Variants in HPCAL1 observed in about 807,000 individuals in gnomAD.
The protein encoded by HPCAL1 is hippocalcin like 1, also known as hippocalcin-like protein 1.
A neutral mutation model predicts 17.1 loss-of-function variants in HPCAL1; 8 were observed. The ratio of observed to expected loss-of-function variants is 0.47; its 90% CI spans 0.27 to 0.84. The LOEUF is 0.84. Among genes scored for constraint, HPCAL1 ranks in the 40% least tolerant of loss-of-function variants. The probability of loss-of-function intolerance (pLI) is 0.13; values close to 1 mark genes in which losing one functional copy is unlikely to be tolerated. For synonymous variants in HPCAL1, 112 were observed against 111.4 expected (o/e 1.01, Z -0.03); for missense variants, 165 against 271.1 (o/e 0.61, Z 2.75).
chr2:10,366,964 A>T (rs1666888277), intron 1 of HPCAL1, among the ~76,000 whole-genome samples: 1 of 152,132 alleles, frequency 6.6e-6, no homozygotes, highest in African/African-American at 2.4e-5. Flanking sequence ...GAGGGACGCC[A>T]GGTTCCTTGA....
At position 10,427,493 on chromosome 2, in the gene HPCAL1, G is replaced by A. The variant is rs1270960683; in HGVS notation, c.*672G>A. 6.6e-6 allele frequency: 1 copy of A among 152,308 alleles called. No homozygotes were observed. The highest frequency in any genetic ancestry group is 1.9e-4 in the East Asian group (1 of 5,192). 9.4% of individuals were successfully genotyped at this position (152,308 alleles called of 1,614,324 possible). ...CCTGTTTCTAAGGAAATGCATGTGT[G>A]CCCTGAGCCGTGATGATCCTCCCAT... On this transcript the variant is annotated 3_prime_UTR_variant, in exon 5 of 5. Transcript: ENST00000307845.
At chr2:10,386,454 C>T (rs542036929) in intron 1 of HPCAL1, among the ~76,000 whole-genome samples, 153 of 152,244 alleles carry the variant, frequency 1.0e-3, no homozygotes, top group African/African-American at 3.6e-3. Flanking sequence ...CCCCTGGCTG[C>T]AGATGCTGGG....
At chr2:10,370,843 G>A (rs1667160697) in intron 1 of HPCAL1, among the ~76,000 whole-genome samples, 1 of 152,192 alleles carries the variant, frequency 6.6e-6, no homozygotes, top group South Asian at 2.1e-4. Flanking sequence ...TTTCTACCAG[G>A]TTTTGGCTAT....
Position 10,359,707 on chromosome 2 carries a change from G to A in HPCAL1, c.-110-37128G>A, listed in dbSNP as rs570895749. ...ATGCAGGCAGACCACACTCCCTGAA[G>A]GGCAGTGGCAAGGCCAGGCCAGCAC... On this transcript the variant is annotated intron_variant, in intron 1 of 4. Transcript: ENST00000307845. The surrounding 1 kb of genome is among the most constrained non-coding windows in gnomAD (Gnocchi z 4.1). Among the ~76,000 whole-genome samples the A allele has an allele frequency of 6.6e-6, 1 of 152,332 alleles. No individual in the cohort carries two copies. The highest frequency in any genetic ancestry group is 2.4e-5 in the African/African-American group (1 of 41,582).
chr2:10,403,726 G>T (rs191765599), intron 2 of HPCAL1, among the ~76,000 whole-genome samples: 1 of 151,760 alleles, frequency 6.6e-6, no homozygotes, highest in African/African-American at 2.4e-5. Context: ...CAGGTGATCC[G>T]CCCACCTCAC....
rs1291759239 is a variant in HPCAL1, at chr2:10,377,407, C to T, written c.-110-19428C>T. On this transcript the variant is annotated intron_variant, in intron 1 of 4. Coordinates refer to ENST00000307845, the MANE Select transcript of HPCAL1 (RefSeq NM_002149.4). This position sits in a 1 kb window ranked among gnomAD's most constrained non-coding sequence, Gnocchi z 5.9. ...GGTAACTGGCATTCTGCCGGCTGCT[C>T]AACTCTGTGGACACCAGTACAGTCA... Among the ~76,000 whole-genome samples, 1 of 152,204 alleles carries T rather than the reference C, an allele frequency of 6.6e-6. No individual in the cohort carries two copies. Among genetic ancestry groups the T allele is most frequent in the East Asian group, 1.9e-4 (1 of 5,178 alleles).
chr2:10,325,110 G>A (rs954077263), intron 1 of HPCAL1, among the ~76,000 whole-genome samples: 1 of 151,754 alleles, frequency 6.6e-6, no homozygotes, highest in African/African-American at 2.4e-5. Context: ...TGGGATTACA[G>A]GCGTGAGCCA....
At chr2:10,372,997 C>A (rs1052211540) in intron 1 of HPCAL1, among the ~76,000 whole-genome samples, 3 of 152,264 alleles carry the variant, frequency 2.0e-5, no homozygotes, top group African/African-American at 7.2e-5. Context: ...GAGAGGGAGC[C>A]TCACACACAG....
chr2:10,356,517 T>G (rs1458635458), intron 1 of HPCAL1, among the ~76,000 whole-genome samples: 1 of 151,940 alleles, frequency 6.6e-6, no homozygotes, highest in Non-Finnish European at 1.5e-5. Context: ...AGCCACTCCC[T>G]GAGGTGGCAT....
At position 10,365,215 on chromosome 2, in the gene HPCAL1, G is replaced by A. The variant is rs1252509924; in HGVS notation, c.-110-31620G>A. ...GGCCGCCAGAGAGGTCTAGGCCTCC[G>A]ACCCTGACCTTGCTCCTCTTGGATG... On this transcript the variant is annotated intron_variant, in intron 1 of 4. Coordinates refer to ENST00000307845, the MANE Select transcript of HPCAL1 (RefSeq NM_002149.4). This position sits in a 1 kb window ranked among gnomAD's most constrained non-coding sequence, Gnocchi z 4.8. 1.3e-5 allele frequency among the ~76,000 whole-genome samples: 2 copies of A among 152,194 alleles called. No homozygotes were observed. The highest frequency in any genetic ancestry group is 4.8e-5 in the African/African-American group (2 of 41,444).
intron 2 of HPCAL1, among the ~76,000 whole-genome samples, chr2:10,416,967 G>C (rs13383253): frequency 1.9e-4 from 29 of 151,938 alleles, no homozygotes; most frequent in Non-Finnish European, 4.0e-4. Context: ...GCTTGTCCTC[G>C]TCTGGGGCAA....
chr2:10,317,277 A>G (rs1010821751), intron 1 of HPCAL1, among the ~76,000 whole-genome samples: 5 of 152,170 alleles, frequency 3.3e-5, no homozygotes, highest in African/African-American at 9.7e-5. Flanking sequence ...ACATAACCCT[A>G]CCTTTTCCTA....
intron 1 of HPCAL1, among the ~76,000 whole-genome samples, chr2:10,383,516 C>G (rs1668102910): frequency 6.6e-6 from 1 of 152,064 alleles, no homozygotes; most frequent in South Asian, 2.1e-4. Context: ...GCACCTGCCA[C>G]CACACCCAGC....
intron 1 of HPCAL1, among the ~76,000 whole-genome samples, chr2:10,335,641 C>A (rs775165977): frequency 6.6e-6 from 1 of 152,200 alleles, no homozygotes; most frequent in Non-Finnish European, 1.5e-5. Context: ...GAATATTTAG[C>A]AGTGGAATTG....
intron 1 of HPCAL1, among the ~76,000 whole-genome samples, chr2:10,309,993 T>C (rs761495903): frequency 1.3e-5 from 2 of 152,172 alleles, no homozygotes; most frequent in Non-Finnish European, 2.9e-5. Flanking sequence ...ATTTGCAAAA[T>C]ACCTTGGAAA....
chr2:10,399,311 C>CACT (rs1669328812), intron 2 of HPCAL1, among the ~76,000 whole-genome samples: 1 of 144,452 alleles, frequency 6.9e-6, no homozygotes. Context: ...CCACCACCAC[C>CACT]ACCACCACCA....
rs903932340 is a variant in HPCAL1, at chr2:10,395,574, G to A, written c.-110-1261G>A. ...CTGTGCTGAGGCTGGGTGTTCTAGG[G>A]TGAACAAGCCACTTCGTCTAGTGGG... On this transcript the variant is annotated intron_variant, in intron 1 of 4. Coordinates refer to ENST00000307845, the MANE Select transcript of HPCAL1 (RefSeq NM_002149.4). The surrounding 1 kb of genome is among the most constrained non-coding windows in gnomAD (Gnocchi z 4.4). Among the ~76,000 whole-genome samples, 1 of 152,196 alleles carries A rather than the reference G, an allele frequency of 6.6e-6. No individual in the cohort carries two copies. Among genetic ancestry groups the A allele is most frequent in the Non-Finnish European group, 1.5e-5 (1 of 68,038 alleles).
At chr2:10,417,350 C>T (rs1007857031) in intron 2 of HPCAL1, among the ~76,000 whole-genome samples, 3 of 148,934 alleles carry the variant, frequency 2.0e-5, no homozygotes, top group Non-Finnish European at 3.0e-5. Flanking sequence ...GTGACAAGAG[C>T]GAAACTCCCT....
chr2:10,347,518 A>G (rs895050240), intron 1 of HPCAL1, among the ~76,000 whole-genome samples: 1 of 152,052 alleles, frequency 6.6e-6, no homozygotes, highest in African/African-American at 2.4e-5. Flanking sequence ...CACACCCACT[A>G]CTTCTCCTTT....
Sources: allele counts gnomAD v4.1 joint callset (sites outside exome capture counted in the v4.1 genomes callset), GRCh38; gene constraint gnomAD v4.1.1; non-coding constraint Gnocchi (gnomAD v3.1); transcripts MANE v1.5; gene names NCBI Gene and HGNC (gene_info 2026-07-23, HGNC 2026-07-21).